KRT86: variants seen among roughly 807,000 people sequenced by gnomAD.
KRT86 encodes the protein keratin, type II cuticular Hb6.
Under a neutral mutation model 41.2 loss-of-function variants are expected in KRT86, and 30 were observed. That is an observed-to-expected ratio of 0.73 (90% CI 0.54 to 0.99). KRT86 has a LOEUF of 0.99. KRT86 is among the 50% of genes least tolerant of loss of function. The probability of loss-of-function intolerance (pLI) is 0.00; values close to 1 mark genes in which losing one functional copy is unlikely to be tolerated. For missense variants in KRT86, 561 were observed against 571.4 expected (o/e 0.98, Z 0.19); for synonymous variants, 238 against 238.1 (o/e 1.00, Z 0.00).
chr12:52,286,750 G>T, intron 2 of KRT86: 1 of 1,597,316 alleles, frequency 6.3e-7, no homozygotes, highest in Non-Finnish European at 8.6e-7. Context: ...TCCATCACAG[G>T]TAGTTAGTAA....
chr12:52,286,959 C>A lies in KRT86; in HGVS notation c.-5+11013C>A, dbSNP rs1419697658. The stretch of plus-strand genomic sequence containing the variant: ...GGGAACAGCTTGCCTCAGACAAACT[C>A]ACACACCAGCCCTCCCCACACCGGA... On this transcript the variant is annotated intron_variant, in intron 2 of 10. Transcript: ENST00000423955. The A allele has an allele frequency of 3.2e-6, 5 of 1,545,562 alleles. No individual in the cohort carries two copies. The South Asian group carries it at 5.7e-5, about 18-fold the overall frequency.
chr12:52,298,251 G>A (rs1049771636), intron 2 of KRT86, among the ~76,000 whole-genome samples: 1 of 152,296 alleles, frequency 6.6e-6, no homozygotes, highest in South Asian at 2.1e-4. Flanking sequence ...TCTTTTCGAG[G>A]ACAAATGGAG....
chr12:52,286,192 T>A, intron 2 of KRT86: 1 of 1,383,268 alleles, frequency 7.2e-7, no homozygotes, highest in South Asian at 1.2e-5. Flanking sequence ...GCGCCTGGAC[T>A]GGATGGGCCA....
intron 2 of KRT86, chr12:52,277,717 G>A (rs1404907849): frequency 6.5e-6 from 1 of 153,290 alleles, no homozygotes; most frequent in African/African-American, 2.4e-5. Context: ...CTGCTGGAGG[G>A]TGAAGAGAGT....
intron 2 of KRT86, chr12:52,291,001 G>A: frequency 3.5e-5 from 15 of 428,656 alleles, no homozygotes; most frequent in South Asian, 3.1e-4. Context: ...ATCTCAGGCA[G>A]GCAGAGGTCT....
At chr12:52,285,797 A>G in intron 2 of KRT86, 1 of 203,806 alleles carries the variant, frequency 4.9e-6, no homozygotes, top group Non-Finnish European at 1.0e-5. Context: ...GAGGCGGGGG[A>G]TAGAAAACTG....
At chr12:52,284,832 G>A (rs1937874657) in intron 2 of KRT86, among the ~76,000 whole-genome samples, 1 of 152,150 alleles carries the variant, frequency 6.6e-6, no homozygotes, top group Non-Finnish European at 1.5e-5. Context: ...GTGGGGCTGA[G>A]CTGTCATCTT....
rs1364492288 is a variant in KRT86, at chr12:52,308,626, C to A, written c.*41C>A. On this transcript the variant is annotated 3_prime_UTR_variant, in exon 11 of 11. Transcript: ENST00000423955. ...GCCAGCGCCTGTCGCCGTCACTCTC[C>A]ACCCAGCCAGTACCTCGCGCCACCA... 1.3e-6 allele frequency: 2 copies of A among 1,577,350 alleles called. No individual in the cohort carries two copies. Among genetic ancestry groups the A allele is most frequent in the Middle Eastern group, 4.1e-4 (2 of 4,874 alleles).
rs536430570 is a variant in KRT86 at position 52,299,404 on chromosome 12, C to T, written c.-4-2509C>T. On this transcript the variant is annotated intron_variant, in intron 2 of 10. Transcript: ENST00000423955. ...CTATTGTGAATAGCGCTGCAATAAA[C>T]GTGGGAGTGCAGACATCTCTTTGAT... is the stretch of plus-strand genomic sequence containing the variant. 1.2e-4 allele frequency among the ~76,000 whole-genome samples: 19 copies of T among 152,272 alleles called. No individual in the cohort carries two copies. In the South Asian group the frequency reaches 3.5e-3, roughly 28 times the overall value.
At chr12:52,282,271 C>T (rs1056486872) in intron 2 of KRT86, among the ~76,000 whole-genome samples, 13 of 146,794 alleles carry the variant, frequency 8.9e-5, no homozygotes, top group Admixed American at 4.2e-4. Flanking sequence ...CTTGCTCTGT[C>T]GCCCAGGCTG....
At chr12:52,283,311 T>A (rs1937820293) in intron 2 of KRT86, among the ~76,000 whole-genome samples, 1 of 144,320 alleles carries the variant, frequency 6.9e-6, no homozygotes, top group East Asian at 2.1e-4. Context: ...GAGAATTGCT[T>A]GAACTAGTGA....
chr12:52,298,728 C>A (rs373075365), intron 2 of KRT86, among the ~76,000 whole-genome samples: 1 of 152,222 alleles, frequency 6.6e-6, no homozygotes, highest in Admixed American at 6.5e-5. Flanking sequence ...GAATTCGAAA[C>A]GAGGCAGTTT....
intron 2 of KRT86, chr12:52,286,986 G>A: frequency 6.3e-7 from 1 of 1,583,948 alleles, no homozygotes; most frequent in Non-Finnish European, 8.6e-7. Context: ...CACACCGGAA[G>A]TGAATAATAA....
chr12:52,296,767 C>T (rs745728195), intron 2 of KRT86, among the ~76,000 whole-genome samples: 7 of 152,216 alleles, frequency 4.6e-5, no homozygotes, highest in Non-Finnish European at 8.8e-5. Context: ...TCTCAACTTC[C>T]TTCACTGGAC....
At chr12:52,291,219 C>T in intron 2 of KRT86, 8 of 1,465,472 alleles carry the variant, frequency 5.5e-6, no homozygotes, top group Non-Finnish European at 7.3e-6. Context: ...CTCTCGTTGA[C>T]CGACACGGTG....
intron 2 of KRT86, among the ~76,000 whole-genome samples, chr12:52,285,373 AAAAG>A (rs916844946): frequency 6.6e-6 from 1 of 152,208 alleles, no homozygotes; most frequent in African/African-American, 2.4e-5. Flanking sequence ...AAAAAAAAAA[AAAAG>A]AAAGCCAACA....
chr12:52,300,234 A>G (rs1409834401), intron 2 of KRT86, among the ~76,000 whole-genome samples: 2 of 152,258 alleles, frequency 1.3e-5, no homozygotes, highest in Non-Finnish European at 2.9e-5. Context: ...TGAAACAAAA[A>G]GGGCATGTAA....
intron 2 of KRT86, chr12:52,286,151 T>C (rs1268571089): frequency 5.5e-6 from 5 of 915,570 alleles, no homozygotes; most frequent in South Asian, 2.8e-5. Context: ...TCTTTCAAAG[T>C]GCAGGAGAAG....
intron 2 of KRT86, among the ~76,000 whole-genome samples, chr12:52,299,369 C>T (rs1938320419): frequency 6.6e-6 from 1 of 152,130 alleles, no homozygotes; most frequent in Non-Finnish European, 1.5e-5. Context: ...AGTTTGATTC[C>T]AAATCTTGGC....
Sources: gnomAD v4.1 joint callset for allele counts (sites outside exome capture counted in the v4.1 genomes callset) on GRCh38, gnomAD v4.1.1 for gene constraint, MANE v1.5 for transcripts, NCBI Gene and HGNC (gene_info 2026-07-23, HGNC 2026-07-21) for gene names.